The following GPC6 variants were observed in gnomAD, a reference collection of about 807,000 sequenced individuals.
GPC6 encodes glypican-6.
GPC6 carries 14 observed loss-of-function variants against 55.2 expected under a neutral mutation model. The ratio of observed to expected loss-of-function variants is 0.25; its 90% CI spans 0.17 to 0.40. The LOEUF (loss-of-function observed/expected upper bound fraction) is 0.40. Among genes scored for constraint, GPC6 ranks in the 10% least tolerant of loss-of-function variants. The probability of loss-of-function intolerance (pLI) is 1.00; values close to 1 mark genes in which losing one functional copy is unlikely to be tolerated. For missense variants in GPC6, 641 were observed against 708.5 expected, an observed-to-expected ratio of 0.90 and a Z score of 1.08; for synonymous variants, 278 against 259.6, an observed-to-expected ratio of 1.07 and a Z score of -0.68.
intron 2 of GPC6, among the ~76,000 whole-genome samples, chr13:93,591,185 C>G (rs1026951179): frequency 6.7e-6 from 1 of 149,080 alleles, no homozygotes; most frequent in African/African-American, 2.5e-5. Flanking sequence ...AATCACCTTT[C>G]GGGTGCGGTG....
At chr13:93,697,726 G>A (rs998446708) in intron 2 of GPC6, among the ~76,000 whole-genome samples, 1 of 152,160 alleles carries the variant, frequency 6.6e-6, no homozygotes, top group Admixed American at 6.5e-5. Flanking sequence ...ATAAATTGCA[G>A]AGTCCTTGAG....
chr13:93,498,571 C>T (rs1880397597), intron 1 of GPC6, among the ~76,000 whole-genome samples: 1 of 152,146 alleles, frequency 6.6e-6, no homozygotes, highest in South Asian at 2.1e-4. Context: ...CTCATGAGAT[C>T]TGATGGGTTT....
At chr13:93,973,186 A>T (rs919598857) in intron 3 of GPC6, among the ~76,000 whole-genome samples, 2 of 152,164 alleles carry the variant, frequency 1.3e-5, no homozygotes, top group Non-Finnish European at 2.9e-5. Context: ...TATGTGGTAT[A>T]ACCTATTGCT....
intron 2 of GPC6, among the ~76,000 whole-genome samples, chr13:93,585,301 G>A (rs1258370765): frequency 6.6e-6 from 1 of 152,088 alleles, no homozygotes; most frequent in Non-Finnish European, 1.5e-5. Context: ...AAGAGTTTGG[G>A]TTATTAATGT....
chr13:93,827,421 T>G (rs945592093), intron 2 of GPC6, among the ~76,000 whole-genome samples: 1 of 152,154 alleles, frequency 6.6e-6, no homozygotes, highest in Non-Finnish European at 1.5e-5. Context: ...ATGAAATGAG[T>G]ACCCTTATTT....
chr13:94,119,925 T>C (rs1165161981), intron 4 of GPC6, among the ~76,000 whole-genome samples: 1 of 152,024 alleles, frequency 6.6e-6, no homozygotes, highest in Non-Finnish European at 1.5e-5. Context: ...AGTGCAGCGG[T>C]ACCAACGCTC....
chr13:94,111,659 C>G (rs1594744143), intron 4 of GPC6, among the ~76,000 whole-genome samples: 1 of 152,038 alleles, frequency 6.6e-6, no homozygotes, highest in African/African-American at 2.4e-5. Flanking sequence ...GTACTTTGTA[C>G]TCCATAATAT....
At chr13:93,353,715 C>T (rs16948714) in intron 1 of GPC6, among the ~76,000 whole-genome samples, 2,154 of 152,210 alleles carry the variant, frequency 0.014, 43 homozygotes, top group African/African-American at 0.049. Flanking sequence ...TTTTTTTGCT[C>T]GTGATTACTC....
At chr13:93,995,424 G>C (rs919415509) in intron 3 of GPC6, among the ~76,000 whole-genome samples, 2 of 152,018 alleles carry the variant, frequency 1.3e-5, no homozygotes, top group Non-Finnish European at 2.9e-5. Flanking sequence ...CTAACCTCAA[G>C]TGATCCGTCC....
At position 93,529,430 on chromosome 13, in the gene GPC6, G is replaced by A. The variant is rs532283527; in HGVS notation, c.161-15833G>A. Among the ~76,000 whole-genome samples the A allele has an allele frequency of 8.6e-5, 13 of 151,490 alleles. No homozygotes were observed. In the South Asian group the frequency reaches 2.7e-3, roughly 32 times the overall value. On this transcript the variant is annotated intron_variant, in intron 1 of 8. Coordinates refer to ENST00000377047, the MANE Select transcript of GPC6 (RefSeq NM_005708.5). ...TAGGTGGGTGGATGTCCAGGATTATGTGGTCTTATACAGCTTGTGCTTATC... is the reference window on the plus strand; with the variant it reads ...TAGGTGGGTGGATGTCCAGGATTATATGGTCTTATACAGCTTGTGCTTATC...
Position 94,242,496 on chromosome 13 carries a change from A to G in GPC6, c.878-43853A>G, listed in dbSNP as rs1445629477. On this transcript the variant is annotated intron_variant, in intron 4 of 8. Coordinates refer to ENST00000377047, the MANE Select transcript of GPC6 (RefSeq NM_005708.5). ...ATAGCAAAGACTTGGAACCAACCCA[A>G]ATGTCCATCAGTGATAGACTGGATT... Among the ~76,000 whole-genome samples, 3 of 152,076 alleles carry G rather than the reference A, an allele frequency of 2.0e-5. No individual in the cohort carries two copies. In the East Asian group the frequency reaches 5.8e-4, roughly 29 times the overall value.
At chr13:93,720,273 ACTT>A (rs1363207315) in intron 2 of GPC6, among the ~76,000 whole-genome samples, 1 of 151,794 alleles carries the variant, frequency 6.6e-6, no homozygotes, top group Non-Finnish European at 1.5e-5. Context: ...CAGGGATTTG[ACTT>A]CTTCTTGGTT....
intron 3 of GPC6, among the ~76,000 whole-genome samples, chr13:93,890,474 T>G (rs1450021381): frequency 6.6e-6 from 1 of 152,050 alleles, no homozygotes; most frequent in African/African-American, 2.4e-5. Flanking sequence ...CAGTTTTGAG[T>G]CAAAAACATA....
At chr13:94,124,646 G>A (rs751860228) in intron 4 of GPC6, among the ~76,000 whole-genome samples, 3 of 152,034 alleles carry the variant, frequency 2.0e-5, no homozygotes, top group Non-Finnish European at 4.4e-5. Flanking sequence ...CAGAAAGGAG[G>A]TACACTGGGA....
chr13:93,696,319 CG>C lies in GPC6; in HGVS notation c.320-133834del, dbSNP rs200745926. ...TTTAGAGTTTTGGTATTGCTTTTAA[CG>C]AAAGTTAAAACTAAAATGTCATGAA... On this transcript the variant is annotated intron_variant, in intron 2 of 8. Transcript: ENST00000377047. 5.1e-3 allele frequency among the ~76,000 whole-genome samples: 771 copies of C among 152,006 alleles called. 8 individuals carry two copies. The highest frequency in any genetic ancestry group is 0.018 in the African/African-American group (734 of 41,474).
intron 4 of GPC6, among the ~76,000 whole-genome samples, chr13:94,170,507 G>A (rs1439591764): frequency 6.6e-6 from 1 of 152,168 alleles, no homozygotes; most frequent in Non-Finnish European, 1.5e-5. Context: ...GATTCTGATG[G>A]TGACATACTG....
At chr13:93,305,945 C>T (rs1878843071) in intron 1 of GPC6, among the ~76,000 whole-genome samples, 1 of 152,116 alleles carries the variant, frequency 6.6e-6, no homozygotes, top group Non-Finnish European at 1.5e-5. Context: ...AACCAAAGAG[C>T]AGAAAGTGCA....
In GPC6 at chr13:93,571,209, C is replaced by T. The variant is rs1216262041; in HGVS notation, c.319+25788C>T. 2.0e-5 allele frequency among the ~76,000 whole-genome samples: 3 copies of T among 152,144 alleles called. No individual in the cohort carries two copies. In the East Asian group the frequency reaches 5.8e-4, roughly 29 times the overall value. ...CACTGCCAACTTTCTCTAACATTCT[C>T]GTCCCAAGCCTAGCTCTCAATGCGC... On this transcript the variant is annotated intron_variant, in intron 2 of 8. Transcript: ENST00000377047.
At chr13:94,256,627 A>C (rs1891513364) in intron 4 of GPC6, among the ~76,000 whole-genome samples, 1 of 152,190 alleles carries the variant, frequency 6.6e-6, no homozygotes, top group South Asian at 2.1e-4. Context: ...AGTGACATAA[A>C]CTCATATCAG....
Sources: allele counts gnomAD v4.1 joint callset (sites outside exome capture counted in the v4.1 genomes callset), GRCh38; gene constraint gnomAD v4.1.1; transcripts MANE v1.5; gene names NCBI Gene and HGNC (gene_info 2026-07-23, HGNC 2026-07-21).